ADAM7: variants seen among roughly 807,000 people sequenced by gnomAD.
ADAM7 encodes the protein disintegrin and metalloproteinase domain-containing protein 7.
In ADAM7, 97 loss-of-function variants were observed where a neutral mutation model predicts 102.9. The ratio of observed to expected loss-of-function variants is 0.94; its 90% CI spans 0.80 to 1.12. ADAM7 has a LOEUF of 1.12. Ranked by LOEUF, ADAM7 falls within the 50% of genes most tolerant of loss-of-function variation. The pLI is 0.00. For synonymous variants in ADAM7, 334 were observed against 304.4 expected (o/e 1.10, Z -1.01); for missense variants, 991 against 908.7 (o/e 1.09, Z -1.16).
At chr8:24,491,819 G>T in intron 13 of ADAM7, 84 bp from the exon 14 acceptor site, 1 of 1,172,236 alleles carries the variant, frequency 8.5e-7, no homozygotes, top group South Asian at 1.9e-5. Flanking sequence ...TTTTTTGGAT[G>T]AATGGGTCAA....
chr8:24,479,313 T>C (rs1400259056), intron 8 of ADAM7, among the ~76,000 whole-genome samples: 1 of 152,170 alleles, frequency 6.6e-6, no homozygotes, highest in African/African-American at 2.4e-5. Context: ...TCTTGAATGG[T>C]CTGGATTCAG....
chr8:24,485,608 G>A (rs1820116391), intron 10 of ADAM7, among the ~76,000 whole-genome samples: 1 of 152,128 alleles, frequency 6.6e-6, no homozygotes, highest in Admixed American at 6.5e-5. Context: ...AGATCAGCAT[G>A]CAATGATTAG....
chr8:24,454,337 C>G (rs1818918655), intron 3 of ADAM7, among the ~76,000 whole-genome samples: 1 of 152,234 alleles, frequency 6.6e-6, no homozygotes, highest in Non-Finnish European at 1.5e-5. Flanking sequence ...CTTTGTTTAC[C>G]TAAGCAAGCC....
intron 9 of ADAM7, among the ~76,000 whole-genome samples, chr8:24,483,433 C>T (rs144956311): frequency 2.6e-5 from 4 of 152,244 alleles, no homozygotes; most frequent in East Asian, 1.9e-4. Flanking sequence ...CCCATAATAT[C>T]GGTATTTCTC....
At chr8:24,453,047 A>T (rs1226840933) in intron 3 of ADAM7, among the ~76,000 whole-genome samples, 5 of 151,006 alleles carry the variant, frequency 3.3e-5, no homozygotes, top group African/African-American at 1.2e-4. Flanking sequence ...CTTCCCTTTG[A>T]GGGTAACCCG....
In ADAM7 at chr8:24,472,508, T is replaced by C. The variant is rs185972992; in HGVS notation, c.633+3688T>C. Among the ~76,000 whole-genome samples, 4 of 152,168 alleles carry C rather than the reference T, an allele frequency of 2.6e-5. No homozygotes were observed. In the East Asian group the frequency reaches 5.8e-4, roughly 22 times the overall value. The stretch of plus-strand genomic sequence containing the variant: ...ACTGAAAGTACAATATATTTCCAAA[T>C]ATTAATTGTCTAAAAAATCAAATCT... On this transcript the variant is annotated intron_variant, in intron 7 of 21. Coordinates refer to ENST00000175238, the MANE Select transcript of ADAM7 (RefSeq NM_003817.4).
At chr8:24,499,825 C>CACACAT (rs1467137799) in intron 17 of ADAM7, among the ~76,000 whole-genome samples, 2 of 148,852 alleles carry the variant, frequency 1.3e-5, no homozygotes, top group Non-Finnish European at 3.0e-5. Context: ...CACACACACA[C>CACACAT]ACATCACACA....
At chr8:24,501,765 A>G (rs1820768611) in intron 20 of ADAM7, among the ~76,000 whole-genome samples, 189 bp downstream of exon 20, 1 of 151,974 alleles carries the variant, frequency 6.6e-6, no homozygotes, top group South Asian at 2.1e-4. Context: ...GATTCAAAAC[A>G]GATATGGAAC....
chr8:24,508,679 G>A lies in ADAM7; in HGVS notation c.*133G>A, dbSNP rs534477626. 4.6e-4 allele frequency: 699 copies of A among 1,533,186 alleles called. 1 individual carries two copies. The highest frequency in any genetic ancestry group is 5.8e-4 in the Non-Finnish European group (655 of 1,135,308). 95.0% of individuals were successfully genotyped at this position (1,533,186 alleles called of 1,614,324 possible). A position where few individuals can be genotyped will look rare whatever the true frequency, so the allele number is the denominator to read the frequency against. ...GTTTCAAACGTTCTTTATCCAGACA[G>A]ACAATGTTTAAGAGAAACAACTTAT... On this transcript the variant is annotated 3_prime_UTR_variant, in exon 22 of 22. Coordinates refer to ENST00000175238, the MANE Select transcript of ADAM7 (RefSeq NM_003817.4).
intron 3 of ADAM7, among the ~76,000 whole-genome samples, chr8:24,463,015 A>G (rs1819299906): frequency 6.6e-6 from 1 of 152,212 alleles, no homozygotes; most frequent in African/African-American, 2.4e-5. Context: ...TGAAACAAAG[A>G]ACATGTAATA....
intron 7 of ADAM7, among the ~76,000 whole-genome samples, chr8:24,469,056 A>C (rs1046527596): frequency 5.3e-5 from 8 of 152,200 alleles, no homozygotes; most frequent in African/African-American, 9.6e-5. Flanking sequence ...GCTGAATGAC[A>C]TACAAAAAGT....
rs544478529 is a variant in ADAM7 at position 24,484,802 on chromosome 8, CTTT to C, written c.876-455_876-453del. On this transcript the variant is annotated intron_variant, in intron 9 of 21. Coordinates refer to ENST00000175238, the MANE Select transcript of ADAM7 (RefSeq NM_003817.4). ...CAATTTCAGTGTAAGATTGCACTGGCTTTTTTTTTTTTTTTTTTTTTTAATTGA... is the reference window on the plus strand; with the variant it reads ...CAATTTCAGTGTAAGATTGCACTGGCTTTTTTTTTTTTTTTTTTTAATTGA... Among the ~76,000 whole-genome samples, 343 of 91,930 alleles carry C rather than the reference CTTT, an allele frequency of 3.7e-3. 1 individual carries two copies. Among genetic ancestry groups the C allele is most frequent in the South Asian group, 0.015 (37 of 2,448 alleles). The allele number at this position is 91,930 out of a possible 152,430, so 60.3% of individuals were successfully genotyped here.
intron 21 of ADAM7, 26 bp from the exon 22 acceptor site, chr8:24,508,520 A>AT: frequency 6.2e-7 from 1 of 1,610,218 alleles, no homozygotes; most frequent in Non-Finnish European, 8.5e-7. Flanking sequence ...GAAACAATCT[A>AT]TTTTTAACCA....
chr8:24,471,656 CGTAT>C (rs1563383082), intron 7 of ADAM7, among the ~76,000 whole-genome samples: 1 of 151,956 alleles, frequency 6.6e-6, no homozygotes, highest in African/African-American at 2.4e-5. Context: ...GGTTTGTGTA[CGTAT>C]GCTTTATGAT....
chr8:24,490,842 A>T lies in ADAM7; in HGVS notation c.1310A>T (p.Lys437Met), dbSNP rs141242902. 57 of 1,613,870 alleles carry T rather than the reference A, an allele frequency of 3.5e-5. No individual in the cohort carries two copies. The East Asian group carries it at 1.2e-3, about 35-fold the overall frequency. ...TGTGATGCACACACATGTGTACTGA[A>T]GCCAGGATTTACTTGTGCAGAAGGA... ...PCCDAHTCVL[K>M]PGFTCAEGEC... is the part of the protein sequence containing the mutation. The change falls in exon 13 of 22, where the codon AAG becomes ATG. Residue 437 changes from lysine to methionine, a missense_variant. By Grantham distance (95) the Lys-to-Met change is moderately conservative. Coordinates refer to ENST00000175238, the MANE Select transcript of ADAM7 (RefSeq NM_003817.4).
At chr8:24,475,915 G>A (rs765377927) in intron 7 of ADAM7, 27 of 456,336 alleles carry the variant, frequency 5.9e-5, no homozygotes, top group South Asian at 1.4e-4. Context: ...GTTTGCCCTC[G>A]TAGCTATTTC....
In ADAM7 at chr8:24,500,958, T is replaced by C. The variant is rs773226946; in HGVS notation, c.2108+63T>C. On this transcript the variant is annotated intron_variant, in intron 19 of 21. Transcript: ENST00000175238. Reference sequence around the variant, plus strand: ...TGTTACTGAGAATATGTAAGCTTTGTGGTTATAGAGGATATTCAATGGGGG... The same window carrying C: ...TGTTACTGAGAATATGTAAGCTTTGCGGTTATAGAGGATATTCAATGGGGG... The C allele has an allele frequency of 3.7e-5, 51 of 1,391,642 alleles. 1 individual carries two copies. Among genetic ancestry groups the C allele is most frequent in the Non-Finnish European group, 4.9e-5 (49 of 990,574 alleles). The allele number at this position is 1,391,642 out of a possible 1,614,324, so 86.2% of individuals were successfully genotyped here. A position where few individuals can be genotyped will look rare whatever the true frequency, so the allele number is the denominator to read the frequency against.
At chr8:24,449,994 G>C (rs1818719315) in intron 3 of ADAM7, among the ~76,000 whole-genome samples, 1 of 152,030 alleles carries the variant, frequency 6.6e-6, no homozygotes, top group Non-Finnish European at 1.5e-5. Context: ...GCTCTGTTTT[G>C]TTCCATTGAT....
intron 3 of ADAM7, among the ~76,000 whole-genome samples, chr8:24,455,175 GA>G (rs1219806660): frequency 5.3e-5 from 8 of 151,872 alleles, no homozygotes; most frequent in African/African-American, 1.2e-4. Flanking sequence ...GAGCAGAATT[GA>G]AAAAAATCCA....
Sources: gnomAD v4.1 joint callset for allele counts (sites outside exome capture counted in the v4.1 genomes callset) on GRCh38, gnomAD v4.1.1 for gene constraint, MANE v1.5 for transcripts, NCBI Gene and HGNC (gene_info 2026-07-23, HGNC 2026-07-21) for gene names.